Variants in DLGAP1 observed in about 807,000 individuals in gnomAD.
DLGAP1 encodes the protein disks large-associated protein 1.
DLGAP1 carries 11 observed loss-of-function variants against 90.8 expected under a neutral mutation model. The observed-to-expected ratio is 0.12, with a 90% confidence interval of 0.08 to 0.20. DLGAP1 has a LOEUF of 0.20. Among genes scored for constraint, DLGAP1 ranks in the 10% least tolerant of loss-of-function variants. The pLI is 1.00. For synonymous variants in DLGAP1, 558 were observed against 540.7 expected (o/e 1.03, Z -0.44); for missense variants, 1,050 against 1,333.8 (o/e 0.79, Z 3.31).
intron 7 of DLGAP1, among the ~76,000 whole-genome samples, chr18:3,624,712 CAG>C (rs958808560): frequency 1.2e-4 from 19 of 152,124 alleles, no homozygotes; most frequent in African/African-American, 4.6e-4. Flanking sequence ...AGAGGGAAAA[CAG>C]ACTGAGCATA....
intron 1 of DLGAP1, among the ~76,000 whole-genome samples, chr18:4,228,625 A>G (rs529584920): frequency 1.3e-5 from 2 of 152,198 alleles, no homozygotes; most frequent in South Asian, 2.1e-4. Context: ...ATCATTTGAT[A>G]AAACTTAACA....
At chr18:3,667,317 G>A (rs199586519) in intron 7 of DLGAP1, among the ~76,000 whole-genome samples, 1 of 152,078 alleles carries the variant, frequency 6.6e-6, no homozygotes, top group East Asian at 1.9e-4. Context: ...GACCTCGAAC[G>A]ATCCACCTGC....
At chr18:3,791,597 AAC>A (rs1221192417) in intron 5 of DLGAP1, among the ~76,000 whole-genome samples, 4 of 152,156 alleles carry the variant, frequency 2.6e-5, no homozygotes, top group Non-Finnish European at 5.9e-5. Flanking sequence ...TTCAGACAAA[AAC>A]ACAATATTTA....
At chr18:3,759,966 C>T (rs995058237) in intron 5 of DLGAP1, among the ~76,000 whole-genome samples, 8 of 152,244 alleles carry the variant, frequency 5.3e-5, no homozygotes, top group South Asian at 2.1e-4. Flanking sequence ...CTCAGGATGC[C>T]GGTGTATCCA....
At chr18:4,117,724 A>C (rs1381474431) in intron 2 of DLGAP1, among the ~76,000 whole-genome samples, 1 of 151,846 alleles carries the variant, frequency 6.6e-6, no homozygotes, top group Non-Finnish European at 1.5e-5. Flanking sequence ...TTCTCCCATC[A>C]CTCTGGAGAA....
chr18:4,366,024 A>C (rs866195212), intron 1 of DLGAP1, among the ~76,000 whole-genome samples: 2 of 152,090 alleles, frequency 1.3e-5, no homozygotes, highest in African/African-American at 2.4e-5. Context: ...AGTAACAGTA[A>C]TTTTGGTGAA....
chr18:4,161,565 G>A (rs942983688), intron 1 of DLGAP1, among the ~76,000 whole-genome samples: 1 of 152,004 alleles, frequency 6.6e-6, no homozygotes, highest in Non-Finnish European at 1.5e-5. Flanking sequence ...AGTTTTCCCT[G>A]TTCTTATAAA....
chr18:4,452,927 C>G (rs1213416504), intron 1 of DLGAP1, among the ~76,000 whole-genome samples: 1 of 151,988 alleles, frequency 6.6e-6, no homozygotes, highest in Non-Finnish European at 1.5e-5. Flanking sequence ...ATTTATATTG[C>G]CTGTAATGTT....
In DLGAP1 at chr18:3,609,429, T is replaced by G. The variant is rs78826678; in HGVS notation, c.1592-27181A>C. Among the ~76,000 whole-genome samples, 172 of 152,324 alleles carry G rather than the reference T, an allele frequency of 1.1e-3. 1 individual carries two copies. The highest frequency in any genetic ancestry group is 8.5e-3 in the South Asian group (41 of 4,832). On this transcript the variant is annotated intron_variant, in intron 7 of 12. Coordinates refer to ENST00000315677, the MANE Select transcript of DLGAP1 (RefSeq NM_004746.4). ...CTTATTTTTCTGTTACTAATCTGTC[T>G]TCTGTGATAGGAGTCTTAGCCATGA...
chr18:3,725,007 A>G (rs1297151793), intron 7 of DLGAP1, among the ~76,000 whole-genome samples: 1 of 152,110 alleles, frequency 6.6e-6, no homozygotes, highest in Non-Finnish European at 1.5e-5. Flanking sequence ...TTCAAATGTT[A>G]TATTTGGCAT....
At chr18:4,376,679 C>A (rs2082020133) in intron 1 of DLGAP1, among the ~76,000 whole-genome samples, 1 of 152,096 alleles carries the variant, frequency 6.6e-6, no homozygotes, top group Non-Finnish European at 1.5e-5. Context: ...GTAAGAAAGT[C>A]AGGGTGTATT....
At chr18:4,309,055 T>A (rs377029191) in intron 1 of DLGAP1, among the ~76,000 whole-genome samples, 1 of 152,196 alleles carries the variant, frequency 6.6e-6, no homozygotes, top group East Asian at 1.9e-4. Flanking sequence ...ATAGAAATAT[T>A]CCATACACTG....
chr18:4,220,347 A>C (rs1306220854), intron 1 of DLGAP1, among the ~76,000 whole-genome samples: 1 of 152,118 alleles, frequency 6.6e-6, no homozygotes, highest in African/African-American at 2.4e-5. Context: ...ACTCTTGCCA[A>C]GAACTTAGTA....
chr18:4,259,985 T>C lies in DLGAP1; in HGVS notation c.-266-108698A>G, dbSNP rs371299202. ...ATATGGACCAGACCTCCTTTGAAGA[T>C]GAAAACAATTTTATATAATTAAAAG... On this transcript the variant is annotated intron_variant, in intron 1 of 12. Coordinates refer to ENST00000315677, the MANE Select transcript of DLGAP1 (RefSeq NM_004746.4). Among the ~76,000 whole-genome samples the C allele has an allele frequency of 2.5e-3, 381 of 152,280 alleles. 1 individual carries two copies. Among genetic ancestry groups the C allele is most frequent in the African/African-American group, 8.6e-3 (357 of 41,562 alleles).
chr18:3,748,380 CA>C (rs777755922), intron 5 of DLGAP1, among the ~76,000 whole-genome samples: 38 of 152,228 alleles, frequency 2.5e-4, no homozygotes, highest in Non-Finnish European at 8.8e-5. Flanking sequence ...ACTAACTTTG[CA>C]ACATATTACT....
intron 10 of DLGAP1, among the ~76,000 whole-genome samples, chr18:3,524,413 A>C (rs1049026758): frequency 3.9e-5 from 6 of 152,172 alleles, no homozygotes; most frequent in African/African-American, 1.4e-4. Flanking sequence ...ATGCTAAGTA[A>C]AATTATCTTG....
chr18:4,184,572 A>G (rs1316400356), intron 1 of DLGAP1, among the ~76,000 whole-genome samples: 1 of 152,056 alleles, frequency 6.6e-6, no homozygotes, highest in Non-Finnish European at 1.5e-5. Context: ...ATTTCGTTCA[A>G]TGGTATTTCT....
chr18:4,051,190 T>G (rs2075129034), intron 2 of DLGAP1, among the ~76,000 whole-genome samples: 1 of 152,218 alleles, frequency 6.6e-6, no homozygotes, highest in Non-Finnish European at 1.5e-5. Context: ...ATCACACTCC[T>G]GGATCTTAGT....
At chr18:4,239,970 GTTTA>G (rs1402669948) in intron 1 of DLGAP1, among the ~76,000 whole-genome samples, 1 of 151,950 alleles carries the variant, frequency 6.6e-6, no homozygotes, top group Non-Finnish European at 1.5e-5. Context: ...TGCCCTGTTT[GTTTA>G]TTTAAACCTC....
Sources: allele counts gnomAD v4.1 joint callset (sites outside exome capture counted in the v4.1 genomes callset), GRCh38; gene constraint gnomAD v4.1.1; transcripts MANE v1.5; gene names NCBI Gene and HGNC (gene_info 2026-07-23, HGNC 2026-07-21).